Variants in ADAMTS9 observed in about 807,000 individuals in gnomAD.
The protein encoded by ADAMTS9 is ADAM metallopeptidase with thrombospondin type 1 motif 9.
ADAMTS9 carries 107 observed loss-of-function variants against 257.1 expected under a neutral mutation model. The observed-to-expected ratio is 0.42, with a 90% CI of 0.36 to 0.49. The LOEUF (loss-of-function observed/expected upper bound fraction) is 0.49. Among genes scored for constraint, ADAMTS9 ranks in the 20% least tolerant of loss-of-function variants. ADAMTS9 has a pLI of 0.03. For missense variants in ADAMTS9, 2,353 were observed against 2,469.1 expected (o/e 0.95, Z 1.00); for synonymous variants, 982 against 880.9 (o/e 1.11, Z -2.03).
In ADAMTS9 at chr3:64,647,920, C is replaced by T. The variant is rs768735675; in HGVS notation, c.1710+20G>A. On this transcript the variant is annotated intron_variant, in intron 11 of 39. Transcript: ENST00000498707. Reference sequence around the variant, plus strand: ...ACATTTCTGCCCTAAGACAGAAGGACAGAACAGGGCATTACTTGCCTTTCC... The same window carrying T: ...ACATTTCTGCCCTAAGACAGAAGGATAGAACAGGGCATTACTTGCCTTTCC... 1 of 1,607,164 alleles carries T rather than the reference C, an allele frequency of 6.2e-7. No homozygotes were observed. Among genetic ancestry groups the T allele is most frequent in the Admixed American group, 1.7e-5 (1 of 58,984 alleles).
chr3:64,605,653 T>A (rs1386404399), intron 23 of ADAMTS9, among the ~76,000 whole-genome samples: 1 of 152,188 alleles, frequency 6.6e-6, no homozygotes, highest in East Asian at 1.9e-4. Flanking sequence ...TCTCTTTATG[T>A]ATTCTCTTTA....
rs1053305012 is a variant in ADAMTS9 at position 64,533,089 on chromosome 3, C to G, written c.5718+77G>C. 36 of 1,338,942 alleles carry G rather than the reference C, an allele frequency of 2.7e-5. No individual in the cohort carries two copies. The African/African-American group carries it at 4.3e-4, about 16-fold the overall frequency. The allele number at this position is 1,338,942 out of a possible 1,614,324, so 82.9% of individuals were successfully genotyped here. On this transcript the variant is annotated intron_variant, in intron 38 of 39. Coordinates refer to ENST00000498707, the MANE Select transcript of ADAMTS9 (RefSeq NM_182920.2). The stretch of plus-strand genomic sequence containing the variant: ...AGCACATTCGTTTGCTCCTTCAGCA[C>G]CACTACCACAGTAATAAAGACAAGA...
chr3:64,654,719 T>C, intron 6 of ADAMTS9, 107 bp from the exon 7 acceptor site: 2 of 1,302,562 alleles, frequency 1.5e-6, no homozygotes, highest in South Asian at 2.7e-5. Context: ...CACTTTGGGG[T>C]GGGGGTTAAA....
intron 15 of ADAMTS9, 109 bp downstream of exon 15, chr3:64,631,699 G>C (rs73122292): frequency 8.2e-7 from 1 of 1,214,230 alleles, no homozygotes; most frequent in Non-Finnish European, 1.2e-6. Flanking sequence ...CCACCATAAC[G>C]AGACTGATTT....
At position 64,541,595 on chromosome 3, in the gene ADAMTS9, C is replaced by G. The variant is rs369063444; in HGVS notation, c.5223G>C (p.Glu1741Asp). Residue 1741 changes from glutamate (E) to aspartate (D), a missense_variant, in exon 34 of 40, where the codon GAG becomes GAC. This residue lies in a region of ADAMTS9 where 1,402 missense variants were observed against 1,441.4 expected (regional missense o/e 0.97). Coordinates refer to ENST00000498707, the MANE Select transcript of ADAMTS9 (RefSeq NM_182920.2). Reference protein sequence around the residue: ...YNCELPQNCKEVKRLKGASED... With the variant: ...YNCELPQNCKDVKRLKGASED... Reference sequence around the variant, plus strand: ...CACTGGCACCTTTAAGTCTTTTTACCTCCTTGCAATTCTGGGGTAACTCAC... The same window carrying G: ...CACTGGCACCTTTAAGTCTTTTTACGTCCTTGCAATTCTGGGGTAACTCAC... The G allele has an allele frequency of 1.9e-5, 30 of 1,613,994 alleles. No homozygotes were observed. The highest frequency in any genetic ancestry group is 2.5e-5 in the Non-Finnish European group (30 of 1,179,976).
In ADAMTS9 at chr3:64,622,627, A is replaced by G. The variant is rs370998162; in HGVS notation, c.2390-41T>C. On this transcript the variant is annotated intron_variant, in intron 16 of 39. Coordinates refer to ENST00000498707, the MANE Select transcript of ADAMTS9 (RefSeq NM_182920.2). Reference sequence around the variant, plus strand: ...CAGAATAATACATTGATCTGCTGTCAATGACTAGCTGTTTGAAATATGAAG... The same window carrying G: ...CAGAATAATACATTGATCTGCTGTCGATGACTAGCTGTTTGAAATATGAAG... 5.0e-6 allele frequency: 8 copies of G among 1,600,794 alleles called. No homozygotes were observed. In the South Asian group the frequency reaches 7.7e-5, roughly 15 times the overall value.
chr3:64,565,271 T>C (rs1476966996), intron 29 of ADAMTS9: 2 of 152,248 alleles, frequency 1.3e-5, no homozygotes, highest in African/African-American at 4.8e-5. Flanking sequence ...ATTATAATTA[T>C]AAGAAAAGTC....
In ADAMTS9 at chr3:64,551,205, G is replaced by GT. The variant is rs374674971; in HGVS notation, c.4699-144dup. 188 of 955,506 alleles carry GT rather than the reference G, an allele frequency of 2.0e-4. No individual in the cohort carries two copies. The African/African-American group carries it at 2.8e-3, about 14-fold the overall frequency. 59.2% of individuals were successfully genotyped at this position (955,506 alleles called of 1,614,324 possible). On this transcript the variant is annotated intron_variant, in intron 30 of 39. Transcript: ENST00000498707. ...TTGCCAGAGAACTTCTCGTTTTTTT[G>GT]TTTTTTTGGTTTTATTTTTTTTGAG... is the stretch of plus-strand genomic sequence containing the variant.
chr3:64,576,521 T>A lies in ADAMTS9; in HGVS notation c.4357-7986A>T, dbSNP rs369080801. On this transcript the variant is annotated intron_variant, in intron 28 of 39. Coordinates refer to ENST00000498707, the MANE Select transcript of ADAMTS9 (RefSeq NM_182920.2). Reference sequence around the variant, plus strand: ...TATTGAGGAAAAATGGAGAGAAAGCTTTACCAGGAAACAAGGGCTGTGACT... The same window carrying A: ...TATTGAGGAAAAATGGAGAGAAAGCATTACCAGGAAACAAGGGCTGTGACT... Among the ~76,000 whole-genome samples the A allele has an allele frequency of 2.5e-4, 38 of 152,264 alleles. No homozygotes were observed. In the South Asian group the frequency reaches 7.7e-3, roughly 31 times the overall value.
chr3:64,655,802 T>G lies in ADAMTS9; in HGVS notation c.1043A>C (p.His348Pro). 1 of 1,571,486 alleles carries G rather than the reference T, an allele frequency of 6.4e-7. No individual in the cohort carries two copies. Among genetic ancestry groups the G allele is most frequent in the Non-Finnish European group, 8.6e-7 (1 of 1,161,048 alleles). Residue 348 changes from histidine to proline, a missense_variant, in exon 5 of 40, where the codon CAT becomes CCT. Coordinates refer to ENST00000498707, the MANE Select transcript of ADAMTS9 (RefSeq NM_182920.2). Reference sequence around the variant, plus strand: ...AAAAAACTTTATTACCTGTTCATTATGAATCACAATTAAGTTCACAATAAC... The same window carrying G: ...AAAAAACTTTATTACCTGTTCATTAGGAATCACAATTAAGTTCACAATAAC... Reference protein sequence around the residue: ...NIVIVNLIVIHNEQDGPSISF... With the variant: ...NIVIVNLIVIPNEQDGPSISF...
At chr3:64,596,731 C>T in intron 27 of ADAMTS9, 99 bp downstream of exon 27, 1 of 1,445,484 alleles carries the variant, frequency 6.9e-7, no homozygotes, top group Non-Finnish European at 9.4e-7. Context: ...GAAGCTTCTA[C>T]TAGAGCTAGT....
rs551337556 is a variant in ADAMTS9 at position 64,607,288 on chromosome 3, C to T, written c.3355-209G>A. Among the ~76,000 whole-genome samples the T allele has an allele frequency of 9.3e-4, 142 of 152,224 alleles. 1 individual carries two copies. Among genetic ancestry groups the T allele is most frequent in the Middle Eastern group, 3.4e-3 (1 of 294 alleles). On this transcript the variant is annotated intron_variant, in intron 22 of 39. Transcript: ENST00000498707. Reference sequence around the variant, plus strand: ...ATGACCCTTGGAATTATTTCTGCCTCCCATTGAAATGATATTTATAGGGGT... The same window carrying T: ...ATGACCCTTGGAATTATTTCTGCCTTCCATTGAAATGATATTTATAGGGGT...
chr3:64,574,973 A>G (rs1395629505), intron 28 of ADAMTS9, among the ~76,000 whole-genome samples: 4 of 152,200 alleles, frequency 2.6e-5, no homozygotes, highest in Admixed American at 2.0e-4. Context: ...CAACACCTTT[A>G]GTGCCTGTGA....
In ADAMTS9 at chr3:64,586,548, G is replaced by T. The variant is rs80243081; in HGVS notation, c.4356+7710C>A. Among the ~76,000 whole-genome samples, 129 of 152,140 alleles carry T rather than the reference G, an allele frequency of 8.5e-4. 1 individual carries two copies. The highest frequency in any genetic ancestry group is 2.9e-3 in the African/African-American group (122 of 41,516). ...TCTGTCAGATTATAATTTAATTCAG[G>T]ATGTTGCCCTAAACGGGGGGAAAAC... is the stretch of plus-strand genomic sequence containing the variant. On this transcript the variant is annotated intron_variant, in intron 28 of 39. Coordinates refer to ENST00000498707, the MANE Select transcript of ADAMTS9 (RefSeq NM_182920.2).
Position 64,541,543 on chromosome 3 carries a change from T to C in ADAMTS9, c.5275A>G (p.Arg1759Gly), listed in dbSNP as rs778468835. ...ACATTCACCTTCAGAAGCTTTCCTCTAATCATCAGGAAATATTCACCATCT... is the reference window on the plus strand; with the variant it reads ...ACATTCACCTTCAGAAGCTTTCCTCCAATCATCAGGAAATATTCACCATCT... ...SEDGEYFLMI[R>G]GKLLKIFCAG... The change falls in exon 34 of 40, where the codon AGA becomes GGA. Residue 1759 changes from arginine to glycine, a missense_variant. Arg to Gly is a moderately radical substitution (Grantham distance 125, BLOSUM62 -2). This residue lies in a region of ADAMTS9 where 1,402 missense variants were observed against 1,441.4 expected (regional missense o/e 0.97). Transcript: ENST00000498707. The C allele has an allele frequency of 3.1e-6, 5 of 1,614,020 alleles. No homozygotes were observed. In the South Asian group the frequency reaches 5.5e-5, roughly 18 times the overall value.
intron 3 of ADAMTS9, among the ~76,000 whole-genome samples, chr3:64,676,280 C>A (rs959748176): frequency 1.3e-5 from 2 of 152,204 alleles, no homozygotes; most frequent in African/African-American, 4.8e-5. Flanking sequence ...TCTCCAGTGA[C>A]AAGTTCAATA....
chr3:64,687,059 A>AT lies in ADAMTS9; in HGVS notation c.116-92dup. 6.9e-7 allele frequency: 1 copy of AT among 1,447,182 alleles called. No individual in the cohort carries two copies. The highest frequency in any genetic ancestry group is 9.3e-7 in the Non-Finnish European group (1 of 1,069,558). 89.6% of individuals were successfully genotyped at this position (1,447,182 alleles called of 1,614,324 possible). On this transcript the variant is annotated intron_variant, in intron 1 of 39. Coordinates refer to ENST00000498707, the MANE Select transcript of ADAMTS9 (RefSeq NM_182920.2). The surrounding 1 kb of genome is among the most constrained non-coding windows in gnomAD (Gnocchi z 4.4). The stretch of plus-strand genomic sequence containing the variant: ...AAGGTGGGGACTTTGTTCTGACCTT[A>AT]TTTTCCAGCCCATTCGAGTCAATCC...
chr3:64,562,009 A>C (rs2083435776), intron 29 of ADAMTS9, among the ~76,000 whole-genome samples: 1 of 152,206 alleles, frequency 6.6e-6, no homozygotes. Context: ...TGTAATTCTT[A>C]GAGGATTGAA....
At chr3:64,646,816 GC>G (rs1288908919) in intron 11 of ADAMTS9, among the ~76,000 whole-genome samples, 2 of 152,206 alleles carry the variant, frequency 1.3e-5, no homozygotes, top group African/African-American at 4.8e-5. Flanking sequence ...AGTAGGCCCT[GC>G]TGCCCCTTCA....
Sources: allele counts gnomAD v4.1 joint callset (sites outside exome capture counted in the v4.1 genomes callset), GRCh38; gene constraint gnomAD v4.1.1; regional missense constraint gnomAD v4.1.1; non-coding constraint Gnocchi (gnomAD v3.1); transcripts MANE v1.5; gene names NCBI Gene and HGNC (gene_info 2026-07-23, HGNC 2026-07-21).